Variants in SEZ6L observed in about 807,000 individuals in gnomAD.
SEZ6L encodes seizure related 6 homolog like.
A neutral mutation model predicts 106.2 loss-of-function variants in SEZ6L; 37 were observed. That is an observed-to-expected ratio of 0.35 (90% CI 0.27 to 0.46). The LOEUF (loss-of-function observed/expected upper bound fraction) is 0.46. SEZ6L is among the 20% of genes least tolerant of loss of function. SEZ6L has a pLI of 1.00. For synonymous variants in SEZ6L, 541 were observed against 570.4 expected (o/e 0.95, Z 0.73); for missense variants, 1,172 against 1,332.8 (o/e 0.88, Z 1.88).
At chr22:26,246,896 C>T (rs2079371675) in intron 1 of SEZ6L, among the ~76,000 whole-genome samples, 1 of 152,164 alleles carries the variant, frequency 6.6e-6, no homozygotes, top group East Asian at 1.9e-4. Flanking sequence ...GTCTGGGTCT[C>T]AATGTTTCTG....
chr22:26,342,646 A>C (rs2082874369), intron 10 of SEZ6L, among the ~76,000 whole-genome samples: 1 of 152,212 alleles, frequency 6.6e-6, no homozygotes, highest in South Asian at 2.1e-4. Flanking sequence ...CAGTGAGCCA[A>C]GATTGCGCCA....
chr22:26,299,936 C>T (rs2081401987), intron 5 of SEZ6L, among the ~76,000 whole-genome samples: 2 of 152,178 alleles, frequency 1.3e-5, no homozygotes, highest in African/African-American at 4.8e-5. Context: ...ATTTTACTTT[C>T]CCCTCAGCAA....
At chr22:26,368,017 AGTAACGGAAATAT>A (rs1403367503) in intron 13 of SEZ6L, among the ~76,000 whole-genome samples, 4 of 152,372 alleles carry the variant, frequency 2.6e-5, no homozygotes, top group African/African-American at 9.6e-5. Flanking sequence ...AATCAGTAAT[AGTAACGGAAATAT>A]GTTCAGTGTT....
At chr22:26,247,176 G>A (rs1325688923) in intron 1 of SEZ6L, among the ~76,000 whole-genome samples, 6 of 152,090 alleles carry the variant, frequency 3.9e-5, no homozygotes, top group South Asian at 2.1e-4. Context: ...TAAACAAAGG[G>A]CATTTGTAGG....
intron 1 of SEZ6L, among the ~76,000 whole-genome samples, chr22:26,266,994 C>A (rs2145831259): frequency 6.6e-6 from 1 of 152,324 alleles, no homozygotes; most frequent in East Asian, 1.9e-4. Flanking sequence ...AAAGGCTCAT[C>A]TTCACCAGAT....
chr22:26,315,884 C>A (rs1026272782), intron 9 of SEZ6L, among the ~76,000 whole-genome samples: 1 of 151,712 alleles, frequency 6.6e-6, no homozygotes, highest in Non-Finnish European at 1.5e-5. Context: ...ATAGTGAGAC[C>A]CCATCTTTAC....
chr22:26,218,947 G>C (rs566530420), intron 1 of SEZ6L, among the ~76,000 whole-genome samples: 7 of 151,998 alleles, frequency 4.6e-5, no homozygotes, highest in Admixed American at 2.0e-4. Flanking sequence ...CAAAAAAAAA[G>C]AAAAGAAAAG....
chr22:26,198,443 A>T (rs1940717588), intron 1 of SEZ6L, among the ~76,000 whole-genome samples: 1 of 152,244 alleles, frequency 6.6e-6, no homozygotes. Flanking sequence ...AAGAGCACAG[A>T]TGTTCAGAGA....
chr22:26,313,737 G>C (rs758494809), intron 8 of SEZ6L, 27 bp from the exon 9 acceptor site: 1 of 1,593,920 alleles, frequency 6.3e-7, no homozygotes, highest in Non-Finnish European at 8.6e-7. Context: ...AATAAAGTCC[G>C]TCTTCTTGCC....
intron 9 of SEZ6L, among the ~76,000 whole-genome samples, chr22:26,335,642 A>G (rs2082621975): frequency 6.6e-6 from 1 of 152,210 alleles, no homozygotes; most frequent in South Asian, 2.1e-4. Flanking sequence ...AAGGAGACCT[A>G]TAGTTGGCTT....
intron 12 of SEZ6L, 23 bp from the exon 13 acceptor site, chr22:26,365,349 G>A (rs373495021): frequency 1.3e-6 from 2 of 1,591,046 alleles, no homozygotes; most frequent in African/African-American, 2.7e-5. Flanking sequence ...TCTCATCAGA[G>A]CTCCTTCTGG....
chr22:26,209,356 T>G (rs997026123), intron 1 of SEZ6L, among the ~76,000 whole-genome samples: 7 of 152,192 alleles, frequency 4.6e-5, no homozygotes. Flanking sequence ...AACTTTAGAT[T>G]TGGTTACATT....
intron 13 of SEZ6L, among the ~76,000 whole-genome samples, chr22:26,369,969 G>A (rs1490617448): frequency 2.6e-5 from 4 of 152,146 alleles, no homozygotes; most frequent in Non-Finnish European, 5.9e-5. Flanking sequence ...TTAAGTATTG[G>A]GAAGTTCCTG....
chr22:26,335,185 ACT>A (rs1258231972), intron 9 of SEZ6L, among the ~76,000 whole-genome samples: 1 of 152,088 alleles, frequency 6.6e-6, no homozygotes, highest in East Asian at 1.9e-4. Context: ...AAATTGCCAA[ACT>A]CTGTGTACAT....
chr22:26,292,031 GGAA>G (rs2081131865), intron 1 of SEZ6L, among the ~76,000 whole-genome samples: 1 of 48,346 alleles, frequency 2.1e-5, no homozygotes. Context: ...AAGGAAGGAA[GGAA>G]GGATGGATGG....
At chr22:26,351,537 GT>G (rs2083281599) in intron 12 of SEZ6L, 5 of 170,068 alleles carry the variant, frequency 2.9e-5, no homozygotes, top group Non-Finnish European at 4.8e-5. Flanking sequence ...TTGTTTGTTT[GT>G]TTGTTTGTTG....
At chr22:26,269,295 A>G (rs943269917) in intron 1 of SEZ6L, among the ~76,000 whole-genome samples, 5 of 152,148 alleles carry the variant, frequency 3.3e-5, no homozygotes, top group African/African-American at 1.2e-4. Context: ...CTGCCTTTTA[A>G]AAATCATCCC....
chr22:26,232,829 C>T (rs934631078), intron 1 of SEZ6L, among the ~76,000 whole-genome samples: 1 of 152,190 alleles, frequency 6.6e-6, no homozygotes, highest in African/African-American at 2.4e-5. Context: ...TATTTAACCC[C>T]TCGAGCCTCA....
intron 1 of SEZ6L, among the ~76,000 whole-genome samples, chr22:26,213,747 C>T (rs969440378): frequency 1.3e-5 from 2 of 152,100 alleles, no homozygotes; most frequent in African/African-American, 2.4e-5. Context: ...TAAGCAAGAC[C>T]CTGTCTTTAC....
Sources: gnomAD v4.1 joint callset for allele counts (sites outside exome capture counted in the v4.1 genomes callset) on GRCh38, gnomAD v4.1.1 for gene constraint, MANE v1.5 for transcripts, NCBI Gene and HGNC (gene_info 2026-07-23, HGNC 2026-07-21) for gene names.